LRFN5: variants seen among roughly 807,000 people sequenced by gnomAD.
The protein encoded by LRFN5 is leucine rich repeat and fibronectin type III domain containing 5.
Under a neutral mutation model 45.6 loss-of-function variants are expected in LRFN5, and 24 were observed. The observed-to-expected ratio is 0.53, with a 90% CI of 0.38 to 0.74. The LOEUF is 0.74. LRFN5 is among the 30% of genes least tolerant of loss of function. The pLI, the probability that LRFN5 is intolerant of heterozygous loss-of-function variation, is 0.00. For missense variants in LRFN5, 776 were observed against 861.5 expected, an observed-to-expected ratio of 0.90 and a Z score of 1.24; for synonymous variants, 340 against 313.8, an observed-to-expected ratio of 1.08 and a Z score of -0.88.
chr14:41,867,230 A>G (rs1039864107), intron 2 of LRFN5, among the ~76,000 whole-genome samples: 2 of 152,112 alleles, frequency 1.3e-5, no homozygotes, highest in South Asian at 2.1e-4. Flanking sequence ...GTGATTTTTA[A>G]TAGTTCTTTG....
chr14:41,845,729 A>G (rs539378614), intron 2 of LRFN5, among the ~76,000 whole-genome samples: 21 of 152,040 alleles, frequency 1.4e-4, no homozygotes, highest in African/African-American at 5.1e-4. Context: ...GTTGTCAACA[A>G]AAAAAAAGTT....
At chr14:41,800,696 C>T (rs560444174) in intron 2 of LRFN5, among the ~76,000 whole-genome samples, 82 of 151,202 alleles carry the variant, frequency 5.4e-4, no homozygotes, top group East Asian at 1.8e-3. Context: ...GCAGCATACA[C>T]GGCAAATCAG....
At chr14:41,790,586 T>A (rs1459974307) in intron 2 of LRFN5, among the ~76,000 whole-genome samples, 3 of 151,840 alleles carry the variant, frequency 2.0e-5, no homozygotes, top group African/African-American at 7.2e-5. Flanking sequence ...TGTTTTTTTT[T>A]TTTAAGGGCT....
intron 2 of LRFN5, among the ~76,000 whole-genome samples, chr14:41,781,426 A>T (rs1414636540): frequency 1.4e-5 from 2 of 143,372 alleles, no homozygotes; most frequent in Non-Finnish European, 3.1e-5. Flanking sequence ...TGAGCATGGG[A>T]GGTTGAGACT....
chr14:41,892,291 G>A (rs1370849576), intron 4 of LRFN5: 3 of 933,052 alleles, frequency 3.2e-6, no homozygotes, highest in Non-Finnish European at 3.8e-6. Flanking sequence ...CTCAGGTACA[G>A]TATATATATA....
At chr14:41,873,177 A>G (rs1310681506) in intron 2 of LRFN5, among the ~76,000 whole-genome samples, 1 of 152,166 alleles carries the variant, frequency 6.6e-6, no homozygotes, top group Non-Finnish European at 1.5e-5. Context: ...AACAGTTTGT[A>G]TTTACAATGA....
At chr14:41,649,852 A>C (rs1463812993) in intron 1 of LRFN5, among the ~76,000 whole-genome samples, 3 of 150,714 alleles carry the variant, frequency 2.0e-5, no homozygotes, top group African/African-American at 7.3e-5. Flanking sequence ...GAGCCCAACC[A>C]CTCTCCCCCA....
intron 2 of LRFN5, among the ~76,000 whole-genome samples, chr14:41,779,892 T>C (rs1358667309): frequency 3.3e-5 from 5 of 151,972 alleles, no homozygotes; most frequent in African/African-American, 1.2e-4. Flanking sequence ...TAGAAGTTTA[T>C]AAATGTTACT....
At chr14:41,794,985 T>A (rs1887066371) in intron 2 of LRFN5, among the ~76,000 whole-genome samples, 1 of 150,942 alleles carries the variant, frequency 6.6e-6, no homozygotes, top group African/African-American at 2.4e-5. Context: ...TGCATATGTA[T>A]GCATGCTGTA....
At chr14:41,641,964 G>T (rs1031593729) in intron 1 of LRFN5, among the ~76,000 whole-genome samples, 14 of 152,104 alleles carry the variant, frequency 9.2e-5, no homozygotes, top group Non-Finnish European at 2.1e-4. Context: ...ATACCTTGAA[G>T]TTATTGAAAT....
At chr14:41,755,120 G>T (rs1358978087) in intron 1 of LRFN5, among the ~76,000 whole-genome samples, 1 of 152,150 alleles carries the variant, frequency 6.6e-6, no homozygotes, top group South Asian at 2.1e-4. Context: ...TTGCACTGTG[G>T]TCTGCGAGAC....
Position 41,891,682 on chromosome 14 carries a change from C to A in LRFN5, c.1818C>A (p.Thr606=). The part of the protein sequence containing the change: ...HEENAQCCKA[T]SDNVIQSSET... The stretch of plus-strand genomic sequence containing the variant: ...AGAATGCCCAGTGTTGTAAAGCTAC[C>A]AGTGACAATGTGATTCAATCTTCAG... Residue 606 remains threonine (T), a synonymous_variant, in exon 4 of 6, where the codon ACC becomes ACA. Transcript: ENST00000298119. 1 of 1,614,180 alleles carries A rather than the reference C, an allele frequency of 6.2e-7. No homozygotes were observed. Among genetic ancestry groups the A allele is most frequent in the Non-Finnish European group, 8.5e-7 (1 of 1,180,026 alleles).
intron 2 of LRFN5, among the ~76,000 whole-genome samples, chr14:41,807,637 C>T (rs1566455765): frequency 1.3e-5 from 2 of 152,030 alleles, no homozygotes; most frequent in South Asian, 4.1e-4. Flanking sequence ...GCACAGACCA[C>T]CCTGTCTGCT....
At chr14:41,893,069 T>A (rs1345917914) in intron 4 of LRFN5, 1 of 956,356 alleles carries the variant, frequency 1.0e-6, no homozygotes, top group African/African-American at 2.7e-5. Flanking sequence ...GATAGTGGAT[T>A]TTTTTTTTCC....
At chr14:41,688,064 C>G (rs902352609) in intron 1 of LRFN5, among the ~76,000 whole-genome samples, 1 of 152,046 alleles carries the variant, frequency 6.6e-6, no homozygotes, top group Admixed American at 6.6e-5. Flanking sequence ...AAACCAGGCA[C>G]AAAAAGACAA....
Position 41,788,558 on chromosome 14 carries a change from A to T in LRFN5, c.-21+21529A>T, listed in dbSNP as rs1465815716. 5.9e-5 allele frequency among the ~76,000 whole-genome samples: 9 copies of T among 152,112 alleles called. No homozygotes were observed. In the East Asian group the frequency reaches 1.7e-3, roughly 30 times the overall value. On this transcript the variant is annotated intron_variant, in intron 2 of 5. Coordinates refer to ENST00000298119, the MANE Select transcript of LRFN5 (RefSeq NM_152447.5). The stretch of plus-strand genomic sequence containing the variant: ...ATAAATTTAAAAAATTATGTTTAAA[A>T]AAAAAAGATGTTCCATCTCCTCTCT...
intron 1 of LRFN5, among the ~76,000 whole-genome samples, chr14:41,626,299 A>G (rs1240029636): frequency 2.0e-5 from 3 of 152,144 alleles, no homozygotes; most frequent in African/African-American, 7.2e-5. Flanking sequence ...TGTGCCAACT[A>G]AGATGTCAGT....
intron 1 of LRFN5, among the ~76,000 whole-genome samples, chr14:41,644,702 A>G (rs2021937): frequency 0.26 from 39,813 of 151,966 alleles, 5,866 homozygotes; most frequent in Middle Eastern, 0.32. Context: ...TTTCTTTAGG[A>G]TATATTTTAT....
intron 1 of LRFN5, among the ~76,000 whole-genome samples, chr14:41,635,071 G>A (rs1879238807): frequency 6.6e-6 from 1 of 151,976 alleles, no homozygotes; most frequent in African/African-American, 2.4e-5. Context: ...TAATCAGTAA[G>A]TTGCTCTCAA....
Sources: allele counts gnomAD v4.1 joint callset (sites outside exome capture counted in the v4.1 genomes callset), GRCh38; gene constraint gnomAD v4.1.1; transcripts MANE v1.5; gene names NCBI Gene and HGNC (gene_info 2026-07-23, HGNC 2026-07-21).